SCFD2: variants seen among roughly 807,000 people sequenced by gnomAD.
SCFD2 encodes sec1 family domain containing 2.
In SCFD2, 54 loss-of-function variants were observed where a neutral mutation model predicts 58.9. The ratio of observed to expected loss-of-function variants is 0.92; its 90% CI spans 0.74 to 1.15. The LOEUF is 1.15. Among genes scored for constraint, SCFD2 ranks in the 50% most tolerant of loss-of-function variants. The pLI is 0.00. For missense variants in SCFD2, 805 were observed against 836.6 expected (o/e 0.96, Z 0.47); for synonymous variants, 321 against 335.9 (o/e 0.96, Z 0.49).
At chr4:53,182,814 A>C (rs1398280372) in intron 4 of SCFD2, among the ~76,000 whole-genome samples, 3 of 151,820 alleles carry the variant, frequency 2.0e-5, no homozygotes, top group Non-Finnish European at 4.4e-5. Context: ...CAAGAAAAAA[A>C]AAACAACCCC....
chr4:53,124,218 A>G (rs989038967), intron 5 of SCFD2, among the ~76,000 whole-genome samples: 1 of 152,218 alleles, frequency 6.6e-6, no homozygotes, highest in Non-Finnish European at 1.5e-5. Flanking sequence ...GCTGTTTGGC[A>G]TGCTAGGAAC....
At chr4:53,113,907 CTG>C (rs1553877460) in intron 5 of SCFD2, among the ~76,000 whole-genome samples, 2 of 152,068 alleles carry the variant, frequency 1.3e-5, no homozygotes, top group Non-Finnish European at 2.9e-5. Flanking sequence ...TTTCTTCTCA[CTG>C]TTGTGAGAAG....
At chr4:53,308,913 A>C (rs548079171) in intron 3 of SCFD2, among the ~76,000 whole-genome samples, 61 of 152,070 alleles carry the variant, frequency 4.0e-4, no homozygotes, top group Middle Eastern at 3.4e-3. Context: ...GGCGGATCAC[A>C]AGGTCATGAG....
At chr4:53,216,420 T>C (rs904170122) in intron 4 of SCFD2, among the ~76,000 whole-genome samples, 3 of 152,230 alleles carry the variant, frequency 2.0e-5, no homozygotes, top group African/African-American at 4.8e-5. Flanking sequence ...CTAGATTTTC[T>C]AGTTTATTTG....
intron 4 of SCFD2, among the ~76,000 whole-genome samples, chr4:53,251,486 A>G (rs1730378706): frequency 1.3e-5 from 2 of 152,220 alleles, no homozygotes; most frequent in Non-Finnish European, 2.9e-5. Context: ...AATCCTCAAT[A>G]AAATACTGGC....
chr4:52,925,365 T>C (rs1048887015), intron 5 of SCFD2, among the ~76,000 whole-genome samples: 1 of 149,230 alleles, frequency 6.7e-6, no homozygotes, highest in Non-Finnish European at 1.5e-5. Flanking sequence ...CATATATATA[T>C]ATATATACAT....
intron 5 of SCFD2, among the ~76,000 whole-genome samples, chr4:52,951,590 T>G (rs1329617223): frequency 1.3e-5 from 2 of 152,186 alleles, no homozygotes; most frequent in South Asian, 2.1e-4. Flanking sequence ...ATCTGTAGGA[T>G]CCACCTAATT....
intron 1 of SCFD2, among the ~76,000 whole-genome samples, chr4:53,361,943 C>G (rs1370678169): frequency 6.6e-6 from 1 of 152,060 alleles, no homozygotes; most frequent in Admixed American, 6.6e-5. Context: ...TCCATTCATT[C>G]AATAAATATA....
intron 5 of SCFD2, among the ~76,000 whole-genome samples, chr4:53,092,985 G>A (rs924188228): frequency 5.3e-5 from 8 of 152,092 alleles, no homozygotes; most frequent in African/African-American, 1.7e-4. Context: ...GTGGATATTC[G>A]AAGCAGAGAG....
intron 5 of SCFD2, among the ~76,000 whole-genome samples, chr4:52,951,396 T>C (rs969104481): frequency 2.0e-5 from 3 of 152,112 alleles, no homozygotes; most frequent in African/African-American, 7.2e-5. Context: ...TACTACATTG[T>C]CTAAGAGCAC....
In SCFD2 at chr4:52,902,745, C is replaced by G. The variant is rs577773772; in HGVS notation, c.1842+4712G>C. 1.4e-3 allele frequency among the ~76,000 whole-genome samples: 217 copies of G among 152,286 alleles called. 2 individuals are homozygous for G. The highest frequency in any genetic ancestry group is 5.0e-3 in the African/African-American group (209 of 41,548). On this transcript the variant is annotated intron_variant, in intron 7 of 8. Coordinates refer to ENST00000401642, the MANE Select transcript of SCFD2 (RefSeq NM_152540.4). ...CCCAAAGTAGATGCTATTATCATCC[C>G]CGATCTATAGATGATGACACTTAGG...
intron 4 of SCFD2, among the ~76,000 whole-genome samples, chr4:53,179,697 C>T (rs1727475064): frequency 6.6e-6 from 1 of 152,118 alleles, no homozygotes; most frequent in African/African-American, 2.4e-5. Flanking sequence ...TTAAAAGACA[C>T]AGACTGGCAA....
At chr4:53,240,232 C>A (rs1202605925) in intron 4 of SCFD2, among the ~76,000 whole-genome samples, 2 of 152,130 alleles carry the variant, frequency 1.3e-5, no homozygotes, top group Non-Finnish European at 2.9e-5. Flanking sequence ...TTCAAAAATC[C>A]CATTTCATTG....
chr4:53,228,876 A>ATTG, intron 4 of SCFD2, among the ~76,000 whole-genome samples: 1 of 152,314 alleles, frequency 6.6e-6, no homozygotes, highest in East Asian at 1.9e-4. Context: ...AAAACCCATC[A>ATTG]TCTCAGCCCA....
At chr4:52,995,421 A>G (rs1404779427) in intron 5 of SCFD2, among the ~76,000 whole-genome samples, 3 of 152,164 alleles carry the variant, frequency 2.0e-5, no homozygotes, top group African/African-American at 4.8e-5. Flanking sequence ...GCCGTGGACC[A>G]GTGTCAGTCC....
At chr4:53,076,964 A>T (rs1339026166) in intron 5 of SCFD2, among the ~76,000 whole-genome samples, 1 of 152,220 alleles carries the variant, frequency 6.6e-6, no homozygotes, top group Non-Finnish European at 1.5e-5. Flanking sequence ...GTAAAGGTCT[A>T]GGAATACAGT....
At chr4:52,979,057 C>G (rs1284179692) in intron 5 of SCFD2, among the ~76,000 whole-genome samples, 3 of 129,078 alleles carry the variant, frequency 2.3e-5, no homozygotes, top group African/African-American at 5.1e-5. Context: ...ACACACCAGG[C>G]CTTTTTTTGG....
chr4:53,229,108 A>G (rs989703476), intron 4 of SCFD2, among the ~76,000 whole-genome samples: 4 of 152,200 alleles, frequency 2.6e-5, no homozygotes, highest in African/African-American at 9.7e-5. Context: ...CCACTGCTCA[A>G]TGAAATAAAA....
At chr4:53,056,177 T>C (rs888555006) in intron 5 of SCFD2, among the ~76,000 whole-genome samples, 1 of 151,956 alleles carries the variant, frequency 6.6e-6, no homozygotes, top group African/African-American at 2.4e-5. Flanking sequence ...ACACATTTTT[T>C]ACATTGACAG....
Sources: allele counts gnomAD v4.1 joint callset (sites outside exome capture counted in the v4.1 genomes callset), GRCh38; gene constraint gnomAD v4.1.1; transcripts MANE v1.5; gene names NCBI Gene and HGNC (gene_info 2026-07-23, HGNC 2026-07-21).